The following MDGA1 variants were observed in gnomAD, a reference collection of about 807,000 sequenced individuals.
MDGA1 encodes the protein MAM domain containing glycosylphosphatidylinositol anchor 1, also known as MAM domain-containing glycosylphosphatidylinositol anchor protein 1.
MDGA1 carries 54 observed loss-of-function variants against 101.5 expected under a neutral mutation model. That is an observed-to-expected ratio of 0.53 (90% CI 0.43 to 0.67). The LOEUF (loss-of-function observed/expected upper bound fraction) is 0.67. Ranked by LOEUF, MDGA1 falls within the 30% of genes least tolerant of loss-of-function variation. MDGA1 has a pLI of 0.00. For missense variants in MDGA1, 1,083 were observed against 1,323.8 expected (o/e 0.82, Z 2.82); for synonymous variants, 533 against 558.3 (o/e 0.95, Z 0.64).
chr6:37,664,458 T>C (rs761413), intron 1 of MDGA1: 138,506 of 197,496 alleles, frequency 0.7, 49,191 homozygotes, highest in East Asian at 0.84. Flanking sequence ...GTGCCCCTCC[T>C]GGCTCCCCAA....
In MDGA1 at chr6:37,696,720, G is replaced by C. The variant is rs1353144644; in HGVS notation, c.67+25C>G. 6.4e-6 allele frequency: 10 copies of C among 1,564,122 alleles called. No homozygotes were observed. Among genetic ancestry groups the C allele is most frequent in the Non-Finnish European group, 7.8e-6 (9 of 1,152,972 alleles). The stretch of plus-strand genomic sequence containing the variant: ...AAGTTTCCGCGCGAGGTTAAGCCAA[G>C]GTGGAGCGGGACGCGGGCTCTTACC... On this transcript the variant is annotated intron_variant, in intron 1 of 16. Transcript: ENST00000434837. This position sits in a 1 kb window ranked among gnomAD's most constrained non-coding sequence, Gnocchi z 5.6.
At chr6:37,684,751 G>A (rs115226238) in intron 1 of MDGA1, among the ~76,000 whole-genome samples, 2,199 of 152,258 alleles carry the variant, frequency 0.014, 52 homozygotes, top group African/African-American at 0.049. Flanking sequence ...CCTTCTCTGT[G>A]TCTACCCTGT....
rs1460475372 is a variant in MDGA1, at chr6:37,646,319, C to T, written c.2103G>A (p.Gly701=). The T allele has an allele frequency of 2.5e-6, 4 of 1,592,474 alleles. No homozygotes were observed. Among genetic ancestry groups the T allele is most frequent in the Non-Finnish European group, 3.4e-6 (4 of 1,168,524 alleles). Residue 701 remains glycine, a synonymous_variant, in exon 11 of 17, where the codon GGG becomes GGA. Coordinates refer to ENST00000434837, the MANE Select transcript of MDGA1 (RefSeq NM_153487.4). ...KAIPVRRVEK[G]QLLEYILTDL... The stretch of plus-strand genomic sequence containing the variant: ...CGGTCAGGATGTACTCCAGCAGCTG[C>T]CCCTTCTCCACACGCCGGACCGGGA...
intron 2 of MDGA1, among the ~76,000 whole-genome samples, chr6:37,661,349 A>G (rs1458997980): frequency 1.3e-5 from 2 of 151,956 alleles, no homozygotes; most frequent in Admixed American, 1.3e-4. Context: ...CCTCCTTCTC[A>G]CAGCTTGTTT....
intron 1 of MDGA1, among the ~76,000 whole-genome samples, chr6:37,678,213 C>T (rs1291743129): frequency 2.6e-5 from 4 of 152,274 alleles, no homozygotes; most frequent in South Asian, 2.1e-4. Context: ...CGTTGTCTCC[C>T]GTTAACCAAG....
chr6:37,655,156 G>A lies in MDGA1; in HGVS notation c.580-224C>T, dbSNP rs755330375. 3.3e-6 allele frequency: 2 copies of A among 599,392 alleles called. No homozygotes were observed. The highest frequency in any genetic ancestry group is 5.8e-6 in the Non-Finnish European group (2 of 343,698). 37.1% of individuals were successfully genotyped at this position (599,392 alleles called of 1,614,324 possible). A position where few individuals can be genotyped will look rare whatever the true frequency, so the allele number is the denominator to read the frequency against. Reference sequence around the variant, plus strand: ...CCTCATCATGGGATTCTCTGGGTCTGAGGTTGCCCTTGTGCACACTGGCAA... The same window carrying A: ...CCTCATCATGGGATTCTCTGGGTCTAAGGTTGCCCTTGTGCACACTGGCAA... On this transcript the variant is annotated intron_variant, in intron 4 of 16. Transcript: ENST00000434837. This position sits in a 1 kb window ranked among gnomAD's most constrained non-coding sequence, Gnocchi z 5.1.
intron 12 of MDGA1, among the ~76,000 whole-genome samples, chr6:37,645,429 G>A (rs531056719): frequency 1.3e-5 from 2 of 152,308 alleles, no homozygotes; most frequent in African/African-American, 4.8e-5. Flanking sequence ...AGCTACTTGG[G>A]AGGCTGAGGC....
chr6:37,688,114 G>A (rs996276009), intron 1 of MDGA1, among the ~76,000 whole-genome samples: 4 of 152,232 alleles, frequency 2.6e-5, no homozygotes, highest in Admixed American at 1.3e-4. Flanking sequence ...AGCTTGGGCA[G>A]TAACCTGGAA....
chr6:37,671,374 C>T (rs957539528), intron 1 of MDGA1, among the ~76,000 whole-genome samples: 5 of 152,136 alleles, frequency 3.3e-5, no homozygotes, highest in African/African-American at 1.2e-4. Context: ...TGAGAGACAG[C>T]AATGTTCTGT....
chr6:37,635,040 C>T lies in MDGA1; in HGVS notation c.*2328G>A, dbSNP rs45555536. Reference sequence around the variant, plus strand: ...TCTGGTGCTCCAATGCCTACCCCAGCGAGGGCACAGAGGAAGCACCCAGGT... The same window carrying T: ...TCTGGTGCTCCAATGCCTACCCCAGTGAGGGCACAGAGGAAGCACCCAGGT... On this transcript the variant is annotated 3_prime_UTR_variant, in exon 17 of 17. Coordinates refer to ENST00000434837, the MANE Select transcript of MDGA1 (RefSeq NM_153487.4). The T allele has an allele frequency of 0.04, 6,212 of 157,164 alleles. 161 individuals carry two copies. The highest frequency in any genetic ancestry group is 0.075 in the African/African-American group (3,137 of 41,780). The allele number at this position is 157,164 out of a possible 1,614,324, so 9.7% of individuals were successfully genotyped here. A position where few individuals can be genotyped will look rare whatever the true frequency, so the allele number is the denominator to read the frequency against.
At chr6:37,671,485 G>A (rs1290785302) in intron 1 of MDGA1, among the ~76,000 whole-genome samples, 3 of 152,220 alleles carry the variant, frequency 2.0e-5, no homozygotes, top group African/African-American at 7.2e-5. Flanking sequence ...CCTGAGACAT[G>A]TCACCCTTGG....
intron 1 of MDGA1, among the ~76,000 whole-genome samples, chr6:37,694,999 G>A (rs987971401): frequency 6.6e-6 from 1 of 152,020 alleles, no homozygotes; most frequent in African/African-American, 2.4e-5. Flanking sequence ...CACTCTCATT[G>A]CTGGGTTTAC....
intron 1 of MDGA1, among the ~76,000 whole-genome samples, chr6:37,665,210 C>G (rs939977508): frequency 3.0e-4 from 45 of 152,154 alleles, no homozygotes; most frequent in Non-Finnish European, 4.1e-4. Flanking sequence ...TCCCAGCCCC[C>G]CAGTGCTTAA....
chr6:37,659,802 C>T (rs1324333785), intron 2 of MDGA1, among the ~76,000 whole-genome samples: 1 of 152,148 alleles, frequency 6.6e-6, no homozygotes, highest in African/African-American at 2.4e-5. Context: ...GTTACAAAAC[C>T]TGGGAAAAGT....
At chr6:37,682,351 G>A (rs1049197977) in intron 1 of MDGA1, among the ~76,000 whole-genome samples, 1 of 152,194 alleles carries the variant, frequency 6.6e-6, no homozygotes, top group Non-Finnish European at 1.5e-5. Flanking sequence ...GGGCGTGGTG[G>A]CGGGTGCCTG....
chr6:37,680,230 C>T (rs1042813308), intron 1 of MDGA1, among the ~76,000 whole-genome samples: 8 of 152,250 alleles, frequency 5.3e-5, no homozygotes, highest in African/African-American at 1.2e-4. Flanking sequence ...ATCCTCCTCT[C>T]CAGCTGCCAT....
chr6:37,664,231 G>A lies in MDGA1; in HGVS notation c.68-125C>T, dbSNP rs376948920. On this transcript the variant is annotated intron_variant, in intron 1 of 16. Transcript: ENST00000434837. Reference sequence around the variant, plus strand: ...GATCTCCCCAGGCCATTCCTCAGAGGCCTGACCCCACTGAGCCCAGGAAAG... The same window carrying A: ...GATCTCCCCAGGCCATTCCTCAGAGACCTGACCCCACTGAGCCCAGGAAAG... 113 of 1,242,394 alleles carry A rather than the reference G, an allele frequency of 9.1e-5. 1 individual carries two copies. The highest frequency in any genetic ancestry group is 7.2e-4 in the East Asian group (31 of 42,820). The allele number at this position is 1,242,394 out of a possible 1,614,324, so 77.0% of individuals were successfully genotyped here. A position where few individuals can be genotyped will look rare whatever the true frequency, so the allele number is the denominator to read the frequency against.
Position 37,660,171 on chromosome 6 carries a change from CCTGG to C in MDGA1, c.208-1756_208-1753del, listed in dbSNP as rs1207877296. ...AGGACTACAGGTGTGTGCCACCACA[CCTGG>C]CTAATTTTTTTTTTTTTTTTGGTAG... On this transcript the variant is annotated intron_variant, in intron 2 of 16. Coordinates refer to ENST00000434837, the MANE Select transcript of MDGA1 (RefSeq NM_153487.4). 3.1e-5 allele frequency among the ~76,000 whole-genome samples: 4 copies of C among 127,078 alleles called. No homozygotes were observed. In the East Asian group the frequency reaches 9.9e-4, roughly 31 times the overall value. 83.4% of individuals were successfully genotyped at this position (127,078 alleles called of 152,430 possible).
intron 1 of MDGA1, among the ~76,000 whole-genome samples, chr6:37,675,698 C>T (rs949296333): frequency 3.3e-5 from 5 of 152,286 alleles, no homozygotes; most frequent in Admixed American, 2.6e-4. Flanking sequence ...AGGTCTGAGC[C>T]TTCCTGGCCC....
Sources: gnomAD v4.1 joint callset for allele counts (sites outside exome capture counted in the v4.1 genomes callset) on GRCh38, gnomAD v4.1.1 for gene constraint, Gnocchi (gnomAD v3.1) non-coding constraint, MANE v1.5 for transcripts, NCBI Gene and HGNC (gene_info 2026-07-23, HGNC 2026-07-21) for gene names.